The following CFAP251 variants were observed in gnomAD, a reference collection of about 807,000 sequenced individuals.
The protein encoded by CFAP251 is cilia- and flagella-associated protein 251.
CFAP251 carries 93 observed loss-of-function variants against 126.7 expected under a neutral mutation model. The observed-to-expected ratio is 0.73, with a 90% CI of 0.62 to 0.87. The LOEUF is 0.87. Among genes scored for constraint, CFAP251 ranks in the 40% least tolerant of loss-of-function variants. The pLI, the probability that CFAP251 is intolerant of heterozygous loss-of-function variation, is 0.00. For missense variants in CFAP251, 1,287 were observed against 1,389.2 expected, an observed-to-expected ratio of 0.93 and a Z score of 1.17; for synonymous variants, 503 against 506.9, an observed-to-expected ratio of 0.99 and a Z score of 0.10.
Position 121,934,315 on chromosome 12 carries a change from A to G in CFAP251, c.957A>G (p.Lys319=). Residue 319 remains lysine (K), a synonymous_variant, in exon 5 of 22, where the codon AAA becomes AAG. Transcript: ENST00000288912. ...EDRRWIATAD[K]GPDCLVIIWD... ...GGCGGTGGATCGCCACAGCAGACAA[A>G]GGGCCAGACTGCCTGGTGATTATAT... is the stretch of plus-strand genomic sequence containing the variant. 1.2e-6 allele frequency: 2 copies of G among 1,614,044 alleles called. No individual in the cohort carries two copies. The highest frequency in any genetic ancestry group is 1.7e-6 in the Non-Finnish European group (2 of 1,179,972).
At chr12:121,958,912 T>A in intron 12 of CFAP251, 31 bp from the exon 13 acceptor site, 1 of 1,556,324 alleles carries the variant, frequency 6.4e-7, no homozygotes, top group Non-Finnish European at 8.6e-7. Flanking sequence ...AATGTAATCC[T>A]TTTCCATCGT....
intron 2 of CFAP251, among the ~76,000 whole-genome samples, chr12:121,922,335 C>T (rs1426220599): frequency 1.3e-5 from 2 of 152,132 alleles, no homozygotes; most frequent in Admixed American, 1.3e-4. Flanking sequence ...GTCTCAAACT[C>T]TTGACCTCAG....
chr12:121,953,235 GAAAAATGCAAACAACC>G (rs1401671820), intron 9 of CFAP251: 1 of 152,098 alleles, frequency 6.6e-6, no homozygotes, highest in Admixed American at 6.5e-5. Context: ...AAATCACCAA[GAAAAATGCAAACAACC>G]AAAAATGCAA....
rs1192625996 is a variant in CFAP251 at position 121,928,680 on chromosome 12, A to G, written c.748-3066A>G. ...TACGTATATATATACGTATATATATATATATATACGTATATATATATATAT... is the reference window on the plus strand; with the variant it reads ...TACGTATATATATACGTATATATATGTATATATACGTATATATATATATAT... On this transcript the variant is annotated intron_variant, in intron 3 of 21. Coordinates refer to ENST00000288912, the MANE Select transcript of CFAP251 (RefSeq NM_144668.6). Among the ~76,000 whole-genome samples the G allele has an allele frequency of 7.2e-4, 43 of 60,102 alleles. 5 individuals carry two copies. The East Asian group carries it at 0.014, about 20-fold the overall frequency. 39.4% of individuals were successfully genotyped at this position (60,102 alleles called of 152,430 possible). A position where few individuals can be genotyped will look rare whatever the true frequency, so the allele number is the denominator to read the frequency against.
intron 19 of CFAP251, among the ~76,000 whole-genome samples, chr12:121,986,998 G>T (rs997803314): frequency 6.6e-6 from 1 of 152,156 alleles, no homozygotes; most frequent in East Asian, 1.9e-4. Flanking sequence ...CCAAAGCCCT[G>T]TGTGCTAATC....
At chr12:121,959,134 A>G in intron 13 of CFAP251, 40 bp downstream of exon 13, 1 of 1,537,462 alleles carries the variant, frequency 6.5e-7, no homozygotes, top group Non-Finnish European at 8.7e-7. Flanking sequence ...TGGCTTAGCA[A>G]TTTTATTTGA....
At chr12:121,931,631 G>T in intron 3 of CFAP251, 115 bp from the exon 4 acceptor site, 1 of 1,072,912 alleles carries the variant, frequency 9.3e-7, no homozygotes. Flanking sequence ...TCTTAAAGTG[G>T]TTCCTCTTCA....
At chr12:121,998,235 A>G (rs1883064534) in intron 19 of CFAP251, 1 of 151,038 alleles carries the variant, frequency 6.6e-6, no homozygotes, top group Non-Finnish European at 1.5e-5. Context: ...TTTTCTGTAG[A>G]AGCAGGGTCT....
At chr12:121,955,007 A>G (rs1403504832) in intron 10 of CFAP251, among the ~76,000 whole-genome samples, 1 of 152,222 alleles carries the variant, frequency 6.6e-6, no homozygotes, top group Non-Finnish European at 1.5e-5. Flanking sequence ...GTCTGATTAC[A>G]AGATAACATT....
At chr12:121,995,128 TGAG>T (rs919429617) in intron 19 of CFAP251, among the ~76,000 whole-genome samples, 6 of 152,290 alleles carry the variant, frequency 3.9e-5, no homozygotes, top group South Asian at 4.1e-4. Context: ...ATGAGGAAAC[TGAG>T]GAGAAGGAAT....
In CFAP251 at chr12:121,966,854, G is replaced by A. The variant is rs569418803; in HGVS notation, c.2493-101G>A. 2.8e-4 allele frequency: 296 copies of A among 1,038,648 alleles called. 4 individuals are homozygous for A. The South Asian group carries it at 3.8e-3, about 13-fold the overall frequency. The allele number at this position is 1,038,648 out of a possible 1,614,324, so 64.3% of individuals were successfully genotyped here. A position where few individuals can be genotyped will look rare whatever the true frequency, so the allele number is the denominator to read the frequency against. On this transcript the variant is annotated intron_variant, in intron 15 of 21. Coordinates refer to ENST00000288912, the MANE Select transcript of CFAP251 (RefSeq NM_144668.6). ...CTGCCTTGGCCTCCCGAAGTGCTGG[G>A]ATTACAGGTGTGAGCCACTGCGCCT...
intron 15 of CFAP251, 71 bp from the exon 16 acceptor site, chr12:121,966,884 C>A: frequency 6.7e-7 from 1 of 1,482,074 alleles, no homozygotes; most frequent in Non-Finnish European, 9.3e-7. Context: ...GCGCCTGGCC[C>A]GACCAAAGAA....
In CFAP251 at chr12:121,934,225, C is replaced by G. The variant is rs749207247; in HGVS notation, c.889-22C>G. The G allele has an allele frequency of 4.4e-6, 7 of 1,598,886 alleles. No individual in the cohort carries two copies. In the African/African-American group the frequency reaches 9.4e-5, roughly 21 times the overall value. The stretch of plus-strand genomic sequence containing the variant: ...GGGCCGCATCTTGGATGTTTCAAAG[C>G]GTTTTCTCTCCATTTCCATAGGGCC... On this transcript the variant is annotated intron_variant, in intron 4 of 21. Transcript: ENST00000288912.
chr12:121,931,757 G>A lies in CFAP251; in HGVS notation c.759G>A (p.Trp253Ter). ...CCCTTGTCTTCCAGACCATGACCTG[G>A]TCGTTTGGATGGAACAGTTCTCTTC... The part of the protein sequence containing the change: ...STPVYPLTMT[W>*]SFGWNSSLPV... The change falls in exon 4 of 22, where the codon TGG becomes TGA. Residue 253 changes from tryptophan to a stop codon, truncating the protein, a stop_gained. Coordinates refer to ENST00000288912, the MANE Select transcript of CFAP251 (RefSeq NM_144668.6). LOFTEE classifies it high-confidence loss of function. 1 of 1,578,796 alleles carries A rather than the reference G, an allele frequency of 6.3e-7. No individual in the cohort carries two copies. The highest frequency in any genetic ancestry group is 8.6e-7 in the Non-Finnish European group (1 of 1,164,464).
At chr12:121,991,909 G>T (rs1172520444) in intron 19 of CFAP251, among the ~76,000 whole-genome samples, 1 of 152,090 alleles carries the variant, frequency 6.6e-6, no homozygotes, top group African/African-American at 2.4e-5. Flanking sequence ...AGGAGAATTG[G>T]TTGGACTCAG....
At chr12:121,969,609 C>T in intron 17 of CFAP251, 1 of 785,710 alleles carries the variant, frequency 1.3e-6, no homozygotes, top group Non-Finnish European at 1.5e-6. Flanking sequence ...CCTCAGCCTC[C>T]TGAGTAGCTG....
intron 19 of CFAP251, among the ~76,000 whole-genome samples, chr12:121,983,396 C>CAAA (rs10713983): frequency 1.4e-5 from 1 of 69,930 alleles, no homozygotes. Context: ...CATAGCTCTC[C>CAAA]AAAAAAAAAA....
rs1880036239 is a variant in CFAP251, at chr12:121,918,961, T to A, written c.-21+266T>A. On this transcript the variant is annotated intron_variant, in intron 1 of 21. Coordinates refer to ENST00000288912, the MANE Select transcript of CFAP251 (RefSeq NM_144668.6). This position sits in a 1 kb window ranked among gnomAD's most constrained non-coding sequence, Gnocchi z 4.3. ...GACGCGCCGGCGAAGTTGGGCTCAG[T>A]CAAAAGAGGCTCGGTGGTGAGAGCC... Among the ~76,000 whole-genome samples, 1 of 151,894 alleles carries A rather than the reference T, an allele frequency of 6.6e-6. No homozygotes were observed. The highest frequency in any genetic ancestry group is 2.1e-4 in the South Asian group (1 of 4,808).
At chr12:121,952,281 AG>A (rs1176664766) in intron 9 of CFAP251, among the ~76,000 whole-genome samples, 1 of 143,636 alleles carries the variant, frequency 7.0e-6, no homozygotes, top group African/African-American at 2.7e-5. Context: ...ATTGCCAGCC[AG>A]GGTGGTATGA....
Sources: gnomAD v4.1 joint callset for allele counts (sites outside exome capture counted in the v4.1 genomes callset) on GRCh38, gnomAD v4.1.1 for gene constraint, Gnocchi (gnomAD v3.1) non-coding constraint, MANE v1.5 for transcripts, NCBI Gene and HGNC (gene_info 2026-07-23, HGNC 2026-07-21) for gene names.